Variants in PIP5K1B observed in about 807,000 individuals in gnomAD.
PIP5K1B encodes phosphatidylinositol 4-phosphate 5-kinase type-1 beta.
PIP5K1B carries 42 observed loss-of-function variants against 67.0 expected under a neutral mutation model. That is an observed-to-expected ratio of 0.63 (90% confidence interval 0.49 to 0.81). The LOEUF (loss-of-function observed/expected upper bound fraction) is 0.81, where lower values mean the gene tolerates loss of function less well. Ranked by LOEUF, PIP5K1B falls within the 30% of genes least tolerant of loss-of-function variation. The pLI is 0.00. For synonymous variants in PIP5K1B, 214 were observed against 231.4 expected, an observed-to-expected ratio of 0.92 and a Z score of 0.68; for missense variants, 459 against 646.3, an observed-to-expected ratio of 0.71 and a Z score of 3.14.
intron 8 of PIP5K1B, among the ~76,000 whole-genome samples, chr9:68,903,794 GGAGA>G (rs1825479911): frequency 6.6e-6 from 1 of 152,178 alleles, no homozygotes; most frequent in Admixed American, 6.5e-5. Flanking sequence ...GGGTTTTGGT[GGAGA>G]GAGGGTTCCA....
At chr9:68,795,193 T>G (rs184670329) in intron 2 of PIP5K1B, among the ~76,000 whole-genome samples, 29 of 152,046 alleles carry the variant, frequency 1.9e-4, no homozygotes, top group Admixed American at 1.8e-3. Flanking sequence ...GTTTTAATGG[T>G]TAAAACATCT....
intron 4 of PIP5K1B, among the ~76,000 whole-genome samples, chr9:68,842,099 C>G (rs1321940925): frequency 6.6e-6 from 1 of 152,208 alleles, no homozygotes; most frequent in African/African-American, 2.4e-5. Flanking sequence ...CCCAAAGATG[C>G]CTTCATGTTG....
intron 14 of PIP5K1B, among the ~76,000 whole-genome samples, chr9:68,953,934 G>A (rs1828240145): frequency 6.6e-6 from 1 of 151,972 alleles, no homozygotes; most frequent in Non-Finnish European, 1.5e-5. Context: ...TTGCTTGGAG[G>A]AGAAAGGCCT....
intron 15 of PIP5K1B, among the ~76,000 whole-genome samples, chr9:68,996,156 C>T (rs1830594231): frequency 6.6e-6 from 1 of 152,188 alleles, no homozygotes; most frequent in Non-Finnish European, 1.5e-5. Flanking sequence ...GTATGCCCAC[C>T]AGATAACATA....
chr9:68,920,793 T>TACACACAC lies in PIP5K1B; in HGVS notation c.1116+1066_1116+1073dup, dbSNP rs879535374. Among the ~76,000 whole-genome samples the TACACACAC allele has an allele frequency of 4.9e-3, 652 of 133,532 alleles. 8 individuals are homozygous for TACACACAC. The highest frequency in any genetic ancestry group is 0.016 in the African/African-American group (540 of 34,258). The allele number at this position is 133,532 out of a possible 152,430, so 87.6% of individuals were successfully genotyped here. On this transcript the variant is annotated intron_variant, in intron 11 of 15. Transcript: ENST00000265382. ...TCTCTGTCTCTCTCTCTCACACACA[T>TACACACAC]ACACACACATACACACACACACACA... is the stretch of plus-strand genomic sequence containing the variant.
chr9:68,739,247 A>G (rs1162647135), intron 1 of PIP5K1B, among the ~76,000 whole-genome samples: 1 of 152,212 alleles, frequency 6.6e-6, no homozygotes, highest in Non-Finnish European at 1.5e-5. Context: ...TTACTCTTGC[A>G]TAGTCTGATT....
In PIP5K1B at chr9:68,900,744, G is replaced by A. The variant is rs1207891791; in HGVS notation, c.771+6106G>A. ...CGCATGTTATTAATTTTTAAAGAGT[G>A]TGGAACCAATTTTCTTTTTTCACAC... is the stretch of plus-strand genomic sequence containing the variant. On this transcript the variant is annotated intron_variant, in intron 8 of 15. Transcript: ENST00000265382. Among the ~76,000 whole-genome samples, 4 of 152,244 alleles carry A rather than the reference G, an allele frequency of 2.6e-5. No homozygotes were observed. The East Asian group carries it at 7.7e-4, about 29-fold the overall frequency.
intron 2 of PIP5K1B, among the ~76,000 whole-genome samples, chr9:68,807,637 A>T (rs978828420): frequency 4.6e-5 from 7 of 152,238 alleles, no homozygotes; most frequent in Admixed American, 2.0e-4. Flanking sequence ...TGCTACAGGA[A>T]CAAAGGCAAA....
intron 8 of PIP5K1B, among the ~76,000 whole-genome samples, chr9:68,913,847 A>G (rs1228842117): frequency 6.6e-6 from 1 of 151,994 alleles, no homozygotes; most frequent in Non-Finnish European, 1.5e-5. Flanking sequence ...TTCAAAAGTT[A>G]ATTCTCTCTT....
intron 2 of PIP5K1B, chr9:68,780,215 C>G: frequency 6.5e-7 from 1 of 1,539,810 alleles, no homozygotes; most frequent in Non-Finnish European, 8.7e-7. Flanking sequence ...CGGGTACGGG[C>G]GGGAGCCCGG....
chr9:68,847,939 A>G (rs908169096), intron 4 of PIP5K1B, among the ~76,000 whole-genome samples: 3 of 152,216 alleles, frequency 2.0e-5, no homozygotes, highest in Non-Finnish European at 2.9e-5. Flanking sequence ...ACAAAACTAC[A>G]AAGCTGCTAT....
intron 4 of PIP5K1B, among the ~76,000 whole-genome samples, chr9:68,841,338 A>C (rs552070775): frequency 6.6e-6 from 1 of 152,294 alleles, no homozygotes; most frequent in South Asian, 2.1e-4. Context: ...GGCCCCCTTC[A>C]TTTCCTGGAT....
intron 3 of PIP5K1B, 133 bp downstream of exon 3, chr9:68,818,678 A>G (rs903198069): frequency 1.3e-5 from 2 of 152,238 alleles, no homozygotes; most frequent in African/African-American, 2.4e-5. Context: ...TCTGACATCA[A>G]ATTTGAATAA....
intron 4 of PIP5K1B, among the ~76,000 whole-genome samples, chr9:68,834,580 T>C (rs964483555): frequency 6.6e-6 from 1 of 152,188 alleles, no homozygotes; most frequent in Non-Finnish European, 1.5e-5. Flanking sequence ...GATGTATCAC[T>C]TTTTTCTTCT....
intron 15 of PIP5K1B, among the ~76,000 whole-genome samples, chr9:69,004,840 T>C (rs974721752): frequency 6.6e-6 from 1 of 152,188 alleles, no homozygotes. Context: ...GAAGGAATAA[T>C]AAAATGGTTT....
chr9:68,995,279 G>A (rs745955764), intron 15 of PIP5K1B, among the ~76,000 whole-genome samples: 27 of 152,108 alleles, frequency 1.8e-4, no homozygotes, highest in Non-Finnish European at 3.4e-4. Context: ...AGTATCTACC[G>A]TTGTTTCTCC....
At chr9:68,818,076 A>G (rs1021182988) in intron 2 of PIP5K1B, among the ~76,000 whole-genome samples, 1 of 152,226 alleles carries the variant, frequency 6.6e-6, no homozygotes, top group Non-Finnish European at 1.5e-5. Context: ...GTGAAGATCC[A>G]TAGGAGAAAT....
intron 2 of PIP5K1B, among the ~76,000 whole-genome samples, chr9:68,770,986 T>C (rs1353449812): frequency 6.6e-6 from 1 of 152,186 alleles, no homozygotes; most frequent in African/African-American, 2.4e-5. Context: ...ATATCGATCA[T>C]AGTTAAAACC....
intron 4 of PIP5K1B, among the ~76,000 whole-genome samples, chr9:68,862,078 A>G (rs1313559594): frequency 6.6e-6 from 1 of 152,222 alleles, no homozygotes; most frequent in Non-Finnish European, 1.5e-5. Context: ...TAAAGGTGAC[A>G]TAACCTTTAT....
Sources: allele counts gnomAD v4.1 joint callset (sites outside exome capture counted in the v4.1 genomes callset), GRCh38; gene constraint gnomAD v4.1.1; transcripts MANE v1.5; gene names NCBI Gene and HGNC (gene_info 2026-07-23, HGNC 2026-07-21).